Variants in HERC2 observed in about 807,000 individuals in gnomAD.
The protein encoded by HERC2 is HECT and RLD domain containing E3 ubiquitin protein ligase 2.
Under a neutral mutation model 537.7 loss-of-function variants are expected in HERC2, and 102 were observed. That is an observed-to-expected ratio of 0.19 (90% CI 0.16 to 0.22). The LOEUF is 0.22. HERC2 is among the 10% of genes least tolerant of loss of function. The pLI is 1.00. For synonymous variants in HERC2, 2,224 were observed against 2,466.2 expected (o/e 0.90, Z 2.91); for missense variants, 4,236 against 6,198.2 (o/e 0.68, Z 10.63).
chr15:28,265,762 T>C lies in HERC2; in HGVS notation c.1757-31A>G, dbSNP rs2075547474. On this transcript the variant is annotated intron_variant, in intron 13 of 92. Transcript: ENST00000261609. The surrounding 1 kb of genome is among the most constrained non-coding windows in gnomAD (Gnocchi z 4.0). ...AACAGATAGGACGGCGGTTACTAAG[T>C]CCTGTAAGAGGCCACCTCCTGCTGC... 1 of 1,614,018 alleles carries C rather than the reference T, an allele frequency of 6.2e-7. No individual in the cohort carries two copies. Among genetic ancestry groups the C allele is most frequent in the Non-Finnish European group, 8.5e-7 (1 of 1,179,926 alleles).
chr15:28,170,955 T>A (rs1257374061), intron 65 of HERC2, among the ~76,000 whole-genome samples: 1 of 152,206 alleles, frequency 6.6e-6, no homozygotes, highest in African/African-American at 2.4e-5. Context: ...GACCTATCTA[T>A]CAGTATGGCT....
Position 28,113,425 on chromosome 15 carries a change from T to C in HERC2, c.14020-142A>G. On this transcript the variant is annotated intron_variant, in intron 91 of 92. Coordinates refer to ENST00000261609, the MANE Select transcript of HERC2 (RefSeq NM_004667.6). This position sits in a 1 kb window ranked among gnomAD's most constrained non-coding sequence, Gnocchi z 7.0. ...GCTCTGGGTGGGCCCACACACAGCC[T>C]CCTGCAGGCGGGTGGAGGGACGCGC... 1 of 1,088,824 alleles carries C rather than the reference T, an allele frequency of 9.2e-7. No individual in the cohort carries two copies. The highest frequency in any genetic ancestry group is 1.4e-6 in the Non-Finnish European group (1 of 735,088). 67.4% of individuals were successfully genotyped at this position (1,088,824 alleles called of 1,614,324 possible).
At position 28,124,214 on chromosome 15, in the gene HERC2, G is replaced by A. The variant is rs771857121; in HGVS notation, c.13011C>T (p.His4337=). ...GCGCAATGATGGGGATCTCCTGCAG[G>A]TGATTGTACTCCATGGGGACCTAGA... The part of the protein sequence containing the change: ...LPAQVPMEYN[H]LQEIPIIALR... The change falls in exon 85 of 93, where the codon CAC becomes CAT. Residue 4337 remains histidine, a synonymous_variant. Transcript: ENST00000261609. 2 of 1,515,418 alleles carry A rather than the reference G, an allele frequency of 1.3e-6. No individual in the cohort carries two copies. The highest frequency in any genetic ancestry group is 4.9e-5 in the East Asian group (2 of 40,766). 93.9% of individuals were successfully genotyped at this position (1,515,418 alleles called of 1,614,324 possible). A position where few individuals can be genotyped will look rare whatever the true frequency, so the allele number is the denominator to read the frequency against.
At chr15:28,255,748 TAA>T (rs1432148803) in intron 19 of HERC2, 122 bp downstream of exon 19, 2 of 1,073,500 alleles carry the variant, frequency 1.9e-6, no homozygotes, top group Non-Finnish European at 2.6e-6. Context: ...AATTTTAATT[TAA>T]AAAATACTTG....
intron 57 of HERC2, among the ~76,000 whole-genome samples, chr15:28,180,727 T>C (rs960503015): frequency 6.6e-6 from 1 of 152,246 alleles, no homozygotes; most frequent in Non-Finnish European, 1.5e-5. Context: ...CACCCATGGA[T>C]TGAAAATATT....
chr15:28,150,892 T>C (rs956460341), intron 70 of HERC2, among the ~76,000 whole-genome samples: 2 of 152,146 alleles, frequency 1.3e-5, no homozygotes, highest in Non-Finnish European at 2.9e-5. Flanking sequence ...CCTTTCAAAT[T>C]TGAAGGACAA....
Position 28,141,665 on chromosome 15 carries a change from C to T in HERC2, c.11817-35G>A, listed in dbSNP as rs7495220. On this transcript the variant is annotated intron_variant, in intron 77 of 92. Coordinates refer to ENST00000261609, the MANE Select transcript of HERC2 (RefSeq NM_004667.6). The stretch of plus-strand genomic sequence containing the variant: ...ACATCAAGTGAGCATTTGCCATGGG[C>T]AAGAACAATGCACACAGCCTCTCAC... 3 of 1,612,412 alleles carry T rather than the reference C, an allele frequency of 1.9e-6. No homozygotes were observed. The African/African-American group carries it at 4.0e-5, about 22-fold the overall frequency.
At chr15:28,159,625 C>T (rs1192824447) in intron 69 of HERC2, among the ~76,000 whole-genome samples, 1 of 152,138 alleles carries the variant, frequency 6.6e-6, no homozygotes, top group African/African-American at 2.4e-5. Flanking sequence ...TTCTAGTTAG[C>T]CATTCGTCTA....
At chr15:28,264,656 C>T (rs2075512741) in intron 14 of HERC2, among the ~76,000 whole-genome samples, 1 of 152,192 alleles carries the variant, frequency 6.6e-6, no homozygotes, top group South Asian at 2.1e-4. Context: ...AACATATCAT[C>T]GCAAACTTTA....
chr15:28,255,793 C>T, intron 19 of HERC2, 79 bp downstream of exon 19: 3 of 1,437,662 alleles, frequency 2.1e-6, no homozygotes, highest in Non-Finnish European at 2.8e-6. Context: ...TTACTGTTTT[C>T]AGTTATTCTT....
chr15:28,153,522 G>A (rs1203960271), intron 69 of HERC2, among the ~76,000 whole-genome samples: 1 of 150,236 alleles, frequency 6.7e-6, no homozygotes, highest in African/African-American at 2.5e-5. Flanking sequence ...ATGGTGGCCC[G>A]TGCCTGTAGT....
Position 28,121,328 on chromosome 15 carries a change from GTAA to G in HERC2, c.13272+15_13272+17del. ...CTTCTAAGGCTGTCAGACTTGGAGAGTAATCTCCATGTGCTACCTGGATGCGGT... is the reference window on the plus strand; with the variant it reads ...CTTCTAAGGCTGTCAGACTTGGAGAGTCTCCATGTGCTACCTGGATGCGGT... On this transcript the variant is annotated intron_variant, in intron 86 of 92. Coordinates refer to ENST00000261609, the MANE Select transcript of HERC2 (RefSeq NM_004667.6). 1 of 1,601,408 alleles carries G rather than the reference GTAA, an allele frequency of 6.2e-7. No homozygotes were observed. Among genetic ancestry groups the G allele is most frequent in the Non-Finnish European group, 8.6e-7 (1 of 1,168,356 alleles).
Position 28,114,612 on chromosome 15 carries a change from C to A in HERC2, c.13913G>T (p.Arg4638Ile). The A allele has an allele frequency of 6.2e-7, 1 of 1,612,950 alleles. No individual in the cohort carries two copies. The highest frequency in any genetic ancestry group is 8.5e-7 in the Non-Finnish European group (1 of 1,179,468). Reference protein sequence around the residue: ...AEYVRLAINYRLHEFDEQVAA... With the variant: ...AEYVRLAINYILHEFDEQVAA... ...GCAACAGAGACGGATGACCACCAAC[C>A]TATAGTTTATCGCCAGCCGCACGTA... Residue 4638 changes from arginine to isoleucine, a missense_variant and splice_region_variant, in exon 90 of 93, where the codon AGA (arginine) becomes ATA (isoleucine). Arg to Ile is a moderately conservative substitution (Grantham distance 97). Transcript: ENST00000261609.
At chr15:28,198,079 C>T (rs1897523322) in intron 50 of HERC2, among the ~76,000 whole-genome samples, 1 of 152,158 alleles carries the variant, frequency 6.6e-6, no homozygotes, top group South Asian at 2.1e-4. Flanking sequence ...CTCGACCCCT[C>T]CCCCAAATAC....
At chr15:28,293,290 G>A (rs1371360438) in intron 3 of HERC2, among the ~76,000 whole-genome samples, 2 of 151,964 alleles carry the variant, frequency 1.3e-5, no homozygotes, top group Admixed American at 6.5e-5. Context: ...TCAGGAGATC[G>A]AGACCATCCT....
intron 86 of HERC2, 147 bp from the exon 87 acceptor site, chr15:28,117,301 G>T: frequency 1.2e-6 from 1 of 841,792 alleles, no homozygotes; most frequent in Non-Finnish European, 2.0e-6. Flanking sequence ...TGGACGCCAG[G>T]CAGACCCTGC....
intron 4 of HERC2, among the ~76,000 whole-genome samples, chr15:28,282,282 G>A (rs928759914): frequency 6.6e-6 from 1 of 152,168 alleles, no homozygotes; most frequent in African/African-American, 2.4e-5. Flanking sequence ...ATGTTCTATT[G>A]AGAAAGTCAC....
intron 56 of HERC2, among the ~76,000 whole-genome samples, chr15:28,185,215 AC>A (rs1481611457): frequency 2.6e-5 from 4 of 151,744 alleles, no homozygotes; most frequent in Non-Finnish European, 4.4e-5. Context: ...CAGAACTACT[AC>A]CCCCCACTTC....
At chr15:28,131,544 A>G (rs1489546331) in intron 81 of HERC2, among the ~76,000 whole-genome samples, 1 of 152,190 alleles carries the variant, frequency 6.6e-6, no homozygotes, top group East Asian at 1.9e-4. Flanking sequence ...AGAGCAAAAG[A>G]CATTCTGGCA....
Sources: allele counts gnomAD v4.1 joint callset (sites outside exome capture counted in the v4.1 genomes callset), GRCh38; gene constraint gnomAD v4.1.1; non-coding constraint Gnocchi (gnomAD v3.1); transcripts MANE v1.5; gene names NCBI Gene and HGNC (gene_info 2026-07-23, HGNC 2026-07-21).